The following PDE7B variants were observed in gnomAD, a reference collection of about 807,000 sequenced individuals.
The protein encoded by PDE7B is 3',5'-cyclic-AMP phosphodiesterase 7B.
In PDE7B, 29 loss-of-function variants were observed where a neutral mutation model predicts 56.2. The ratio of observed to expected loss-of-function variants is 0.52; its 90% CI spans 0.38 to 0.70. The LOEUF (loss-of-function observed/expected upper bound fraction) is 0.70. Among genes scored for constraint, PDE7B ranks in the 30% least tolerant of loss-of-function variants. The probability of loss-of-function intolerance (pLI) is 0.00; values close to 1 mark genes in which losing one functional copy is unlikely to be tolerated. For synonymous variants in PDE7B, 197 were observed against 196.9 expected (o/e 1.00, Z 0.00); for missense variants, 490 against 565.0 (o/e 0.87, Z 1.35).
chr6:136,173,705 G>C (rs953778210), intron 8 of PDE7B, 92 bp from the exon 9 acceptor site: 1 of 855,144 alleles, frequency 1.2e-6, no homozygotes, highest in African/African-American at 1.7e-5. Context: ...AAACTGGAGG[G>C]AAAATGCTAG....
chr6:135,989,404 G>A (rs878932795), intron 2 of PDE7B, among the ~76,000 whole-genome samples: 9 of 152,062 alleles, frequency 5.9e-5, no homozygotes, highest in African/African-American at 1.9e-4. Context: ...ACCTGAGGTC[G>A]GTAGTTCGAG....
At chr6:135,872,388 T>C (rs190142109) in intron 1 of PDE7B, among the ~76,000 whole-genome samples, 1 of 152,304 alleles carries the variant, frequency 6.6e-6, no homozygotes, top group African/African-American at 2.4e-5. Context: ...TACACTAACA[T>C]TGCAATTGTC....
chr6:135,970,818 A>T (rs1775082823), intron 2 of PDE7B, among the ~76,000 whole-genome samples: 1 of 152,198 alleles, frequency 6.6e-6, no homozygotes, highest in African/African-American at 2.4e-5. Context: ...GTAGTGGGGC[A>T]GCGAGACGTT....
chr6:135,997,193 A>G (rs1187326359), intron 2 of PDE7B, among the ~76,000 whole-genome samples: 2 of 151,926 alleles, frequency 1.3e-5, no homozygotes, highest in South Asian at 2.1e-4. Flanking sequence ...CAAGATGGGC[A>G]GATTGCTTGA....
chr6:136,145,711 C>T (rs1265994081), intron 3 of PDE7B, among the ~76,000 whole-genome samples: 2 of 152,166 alleles, frequency 1.3e-5, no homozygotes, highest in African/African-American at 2.4e-5. Context: ...ATGATGCTCT[C>T]TTGGCTTTCC....
intron 1 of PDE7B, among the ~76,000 whole-genome samples, chr6:135,895,368 G>A (rs374581280): frequency 3.3e-5 from 5 of 152,168 alleles, no homozygotes; most frequent in African/African-American, 9.6e-5. Flanking sequence ...TGAAATCACT[G>A]CCAAGTGTGA....
chr6:135,919,743 A>G (rs761479465), intron 1 of PDE7B, among the ~76,000 whole-genome samples: 12 of 152,236 alleles, frequency 7.9e-5, no homozygotes, highest in Non-Finnish European at 1.6e-4. Context: ...TAACCTTTCT[A>G]TGATTGACTT....
intron 1 of PDE7B, among the ~76,000 whole-genome samples, chr6:135,890,591 GGA>G: frequency 6.6e-6 from 1 of 152,144 alleles, no homozygotes. Flanking sequence ...AACTCTCCAA[GGA>G]GTCTGCACCA....
At chr6:136,071,927 A>AT (rs1293444784) in intron 2 of PDE7B, among the ~76,000 whole-genome samples, 2 of 152,132 alleles carry the variant, frequency 1.3e-5, no homozygotes, top group Non-Finnish European at 2.9e-5. Context: ...TTCCATTAAC[A>AT]TTTTTTTCCT....
At chr6:136,133,820 G>C (rs575956873) in intron 3 of PDE7B, among the ~76,000 whole-genome samples, 11 of 152,232 alleles carry the variant, frequency 7.2e-5, no homozygotes, top group East Asian at 3.9e-4. Context: ...GTGGGCTGCC[G>C]AAGGACAGAT....
rs193920799 is a variant in PDE7B at position 136,173,827 on chromosome 6, C to T, written c.742C>T (p.Arg248Ter). 4 of 1,611,108 alleles carry T rather than the reference C, an allele frequency of 2.5e-6. No homozygotes were observed. The highest frequency in any genetic ancestry group is 2.2e-5 in the East Asian group (1 of 44,866). The change falls in exon 9 of 13, where the codon CGA (arginine) becomes TGA (stop). Residue 248 changes from arginine (R) to a stop codon, truncating the protein, a stop_gained. Coordinates refer to ENST00000308191, the MANE Select transcript of PDE7B (RefSeq NM_018945.4). LOFTEE classifies it high-confidence loss of function. ...NMSVLENHHW[R>*]STIGMLRESR... ...GTCTGTGCTGGAGAATCATCACTGG[C>T]GATCTACAATTGGCATGCTTCGAGA...
chr6:136,148,900 G>C (rs989139048), intron 4 of PDE7B, among the ~76,000 whole-genome samples, 187 bp from the exon 5 acceptor site: 1 of 152,044 alleles, frequency 6.6e-6, no homozygotes, highest in Non-Finnish European at 1.5e-5. Context: ...GTGTTGTGAC[G>C]GTCTTTTTGT....
intron 2 of PDE7B, among the ~76,000 whole-genome samples, chr6:135,982,359 A>G (rs903404511): frequency 6.6e-6 from 1 of 152,078 alleles, no homozygotes; most frequent in African/African-American, 2.4e-5. Context: ...CGGCCCAGAC[A>G]GGCTTTCTCT....
intron 2 of PDE7B, among the ~76,000 whole-genome samples, chr6:136,063,121 G>A (rs147191488): frequency 1.6e-4 from 24 of 152,224 alleles, no homozygotes; most frequent in African/African-American, 4.3e-4. Flanking sequence ...TAGTATTAGC[G>A]ACCCTGCCTA....
At chr6:135,885,836 C>A (rs1775698796) in intron 1 of PDE7B, among the ~76,000 whole-genome samples, 1 of 152,130 alleles carries the variant, frequency 6.6e-6, no homozygotes, top group African/African-American at 2.4e-5. Flanking sequence ...GATGGAAAAG[C>A]AAAGCTGAGT....
chr6:135,986,511 T>A (rs955702675), intron 2 of PDE7B, among the ~76,000 whole-genome samples: 2 of 152,192 alleles, frequency 1.3e-5, no homozygotes, highest in Admixed American at 1.3e-4. Context: ...GGTTAGAAAG[T>A]TAAAATGTGG....
At chr6:136,037,538 G>T (rs898761524) in intron 2 of PDE7B, 3 of 985,454 alleles carry the variant, frequency 3.0e-6, no homozygotes, top group Non-Finnish European at 3.6e-6. Context: ...GACTGGGCAA[G>T]GTGCCCCCCA....
Position 135,851,784 on chromosome 6 carries a change from C to T in PDE7B, c.-215C>T, listed in dbSNP as rs1230850129. Reference sequence around the variant, plus strand: ...GTGGTGTTACTCACCCAGGGAGAGTCTCTCTTTCTACCTTCCTTCTTTCTC... The same window carrying T: ...GTGGTGTTACTCACCCAGGGAGAGTTTCTCTTTCTACCTTCCTTCTTTCTC... On this transcript the variant is annotated 5_prime_UTR_variant, in exon 1 of 13. Coordinates refer to ENST00000308191, the MANE Select transcript of PDE7B (RefSeq NM_018945.4). The T allele has an allele frequency of 3.8e-6, 2 of 526,660 alleles. No individual in the cohort carries two copies. Among genetic ancestry groups the T allele is most frequent in the Non-Finnish European group, 6.7e-6 (2 of 297,568 alleles). The allele number at this position is 526,660 out of a possible 1,614,324, so 32.6% of individuals were successfully genotyped here.
chr6:135,871,261 G>A (rs146565383), intron 1 of PDE7B, among the ~76,000 whole-genome samples: 39 of 152,222 alleles, frequency 2.6e-4, no homozygotes, highest in African/African-American at 9.1e-4. Flanking sequence ...AATTTACAAA[G>A]TTGATTAGAA....
Sources: allele counts gnomAD v4.1 joint callset (sites outside exome capture counted in the v4.1 genomes callset), GRCh38; gene constraint gnomAD v4.1.1; transcripts MANE v1.5; gene names NCBI Gene and HGNC (gene_info 2026-07-23, HGNC 2026-07-21).